GLCE: variants seen among roughly 807,000 people sequenced by gnomAD.
The protein encoded by GLCE is D-glucuronyl C5-epimerase.
GLCE carries 19 observed loss-of-function variants against 47.9 expected under a neutral mutation model. The ratio of observed to expected loss-of-function variants is 0.40; its 90% CI spans 0.28 to 0.58. The LOEUF is 0.58. Among genes scored for constraint, GLCE ranks in the 20% least tolerant of loss-of-function variants. GLCE has a pLI of 0.48. For missense variants in GLCE, 556 were observed against 743.3 expected, an observed-to-expected ratio of 0.75 and a Z score of 2.93; for synonymous variants, 245 against 263.4, an observed-to-expected ratio of 0.93 and a Z score of 0.68.
At chr15:69,263,982 C>T (rs1039315163) in intron 4 of GLCE, among the ~76,000 whole-genome samples, 3 of 152,092 alleles carry the variant, frequency 2.0e-5, no homozygotes, top group Non-Finnish European at 2.9e-5. Context: ...CATCCATCAC[C>T]TCATAGTTAC....
intron 4 of GLCE, among the ~76,000 whole-genome samples, chr15:69,267,876 T>C (rs941974803): frequency 5.3e-5 from 8 of 150,224 alleles, no homozygotes; most frequent in Admixed American, 4.7e-4. Context: ...AGAATGGGTA[T>C]AGTAGAATAG....
At chr15:69,248,916 G>A (rs2052795866) in intron 2 of GLCE, among the ~76,000 whole-genome samples, 2 of 152,116 alleles carry the variant, frequency 1.3e-5, no homozygotes, top group African/African-American at 4.8e-5. Flanking sequence ...TCTAAGTATT[G>A]GGGATACAAC....
chr15:69,189,700 C>T (rs995674659), intron 1 of GLCE, among the ~76,000 whole-genome samples: 6 of 152,070 alleles, frequency 3.9e-5, no homozygotes, highest in Admixed American at 2.0e-4. Context: ...TTCTGTTGTA[C>T]GTGTATGTTT....
At position 69,201,572 on chromosome 15, in the gene GLCE, G is replaced by C. The variant is rs193162617; in HGVS notation, c.-104-8744G>C. 2.4e-3 allele frequency among the ~76,000 whole-genome samples: 357 copies of C among 149,816 alleles called. 1 individual carries two copies. Among genetic ancestry groups the C allele is most frequent in the African/African-American group, 8.4e-3 (340 of 40,572 alleles). On this transcript the variant is annotated intron_variant, in intron 1 of 4. Transcript: ENST00000261858. ...AAGCTCTTTGAAAGCCAGTACTAGT[G>C]TTCTTTGTTTTGGCCCTTTCCTCAT...
At chr15:69,215,833 A>T (rs1261485341) in intron 2 of GLCE, among the ~76,000 whole-genome samples, 1 of 152,068 alleles carries the variant, frequency 6.6e-6, no homozygotes, top group Non-Finnish European at 1.5e-5. Context: ...CTAATGACTC[A>T]TAATGTTGAG....
intron 4 of GLCE, 118 bp from the exon 5 acceptor site, chr15:69,268,102 A>C: frequency 1.6e-6 from 1 of 614,376 alleles, no homozygotes; most frequent in Non-Finnish European, 2.9e-6. Context: ...CTGATACTAA[A>C]AATATGTAAG....
chr15:69,223,244 T>C (rs2052401430), intron 2 of GLCE, among the ~76,000 whole-genome samples: 1 of 152,214 alleles, frequency 6.6e-6, no homozygotes, highest in Non-Finnish European at 1.5e-5. Context: ...GCAGGTCTAG[T>C]GGTAATGAAT....
chr15:69,169,230 T>C (rs1391378664), intron 1 of GLCE, among the ~76,000 whole-genome samples: 2 of 152,218 alleles, frequency 1.3e-5, no homozygotes, highest in Non-Finnish European at 2.9e-5. Context: ...TTGCGTCTTC[T>C]GTTGACAGAC....
intron 3 of GLCE, among the ~76,000 whole-genome samples, chr15:69,258,153 T>C (rs2017983): frequency 0.67 from 101,675 of 151,886 alleles, 35,873 homozygotes; most frequent in Non-Finnish European, 0.77. Context: ...CCACCTACCC[T>C]CTACCCTCCA....
chr15:69,257,770 G>A (rs1449175371), intron 3 of GLCE, among the ~76,000 whole-genome samples: 1 of 151,786 alleles, frequency 6.6e-6, no homozygotes, highest in Non-Finnish European at 1.5e-5. Context: ...ATATGTTTTA[G>A]CATAATCGTA....
chr15:69,250,178 C>G (rs1306390276), intron 2 of GLCE, among the ~76,000 whole-genome samples: 6 of 152,134 alleles, frequency 3.9e-5, no homozygotes, highest in African/African-American at 1.4e-4. Context: ...CCTCTCACCA[C>G]TCAAAGTTAC....
At position 69,196,612 on chromosome 15, in the gene GLCE, T is replaced by G. The variant is rs147362617; in HGVS notation, c.-104-13704T>G. 4.9e-3 allele frequency: 800 copies of G among 162,364 alleles called. 2 individuals are homozygous for G. Among genetic ancestry groups the G allele is most frequent in the Non-Finnish European group, 7.0e-3 (517 of 74,228 alleles). The allele number at this position is 162,364 out of a possible 1,614,324, so 10.1% of individuals were successfully genotyped here. On this transcript the variant is annotated intron_variant, in intron 1 of 4. Transcript: ENST00000261858. ...AGAGCCGTGAAGATGAGGAGTGTTG[T>G]GCCCGGCCATCAAAAGTTGGCAACG...
chr15:69,237,259 G>A (rs2052605461), intron 2 of GLCE, among the ~76,000 whole-genome samples: 1 of 151,956 alleles, frequency 6.6e-6, no homozygotes, highest in Non-Finnish European at 1.5e-5. Context: ...GCTCAAAACT[G>A]CATTCTATAT....
intron 1 of GLCE, among the ~76,000 whole-genome samples, chr15:69,183,308 T>G (rs1159639715): frequency 6.6e-6 from 1 of 152,212 alleles, no homozygotes; most frequent in Non-Finnish European, 1.5e-5. Flanking sequence ...AAAGAACGGC[T>G]ACAGTCTGAT....
intron 1 of GLCE, among the ~76,000 whole-genome samples, chr15:69,192,517 C>T (rs562209366): frequency 6.6e-6 from 1 of 152,080 alleles, no homozygotes; most frequent in Non-Finnish European, 1.5e-5. Context: ...TCATCTCTTT[C>T]ATTTCTGGTT....
At chr15:69,192,410 T>C (rs1172399954) in intron 1 of GLCE, among the ~76,000 whole-genome samples, 1 of 152,128 alleles carries the variant, frequency 6.6e-6, no homozygotes, top group Non-Finnish European at 1.5e-5. Flanking sequence ...TTGATTCTTT[T>C]ATGTTTCTTT....
At chr15:69,245,326 C>CT (rs780350580) in intron 2 of GLCE, among the ~76,000 whole-genome samples, 1 of 108,334 alleles carries the variant, frequency 9.2e-6, no homozygotes, top group Non-Finnish European at 1.7e-5. Flanking sequence ...GAGCAAGACT[C>CT]TGTCTCAAAA....
At chr15:69,187,248 A>G (rs966083297) in intron 1 of GLCE, among the ~76,000 whole-genome samples, 1 of 152,194 alleles carries the variant, frequency 6.6e-6, no homozygotes, top group African/African-American at 2.4e-5. Context: ...ACTTGGGGCC[A>G]TAGCTTTTTC....
chr15:69,178,744 A>G (rs574968804), intron 1 of GLCE, among the ~76,000 whole-genome samples: 15 of 152,292 alleles, frequency 9.8e-5, no homozygotes, highest in African/African-American at 3.6e-4. Context: ...TCTTTGGAGG[A>G]CAAGTTGACT....
Sources: gnomAD v4.1 joint callset for allele counts (sites outside exome capture counted in the v4.1 genomes callset) on GRCh38, gnomAD v4.1.1 for gene constraint, MANE v1.5 for transcripts, NCBI Gene and HGNC (gene_info 2026-07-23, HGNC 2026-07-21) for gene names.